The following ZFP14 variants were observed in gnomAD, a reference collection of about 807,000 sequenced individuals.
The protein encoded by ZFP14 is zinc finger protein 14 homolog.
In ZFP14, 22 loss-of-function variants were observed where a neutral mutation model predicts 54.5. That is an observed-to-expected ratio of 0.40 (90% CI 0.29 to 0.58). The LOEUF is 0.58. Ranked by LOEUF, ZFP14 falls within the 20% of genes least tolerant of loss-of-function variation. The pLI, the probability that ZFP14 is intolerant of heterozygous loss-of-function variation, is 0.39. For missense variants in ZFP14, 470 were observed against 637.8 expected, an observed-to-expected ratio of 0.74 and a Z score of 2.83; for synonymous variants, 159 against 204.0, an observed-to-expected ratio of 0.78 and a Z score of 1.88.
intron 1 of ZFP14, 152 bp from the exon 2 acceptor site, chr19:36,368,123 T>A: frequency 2.1e-6 from 1 of 475,684 alleles, no homozygotes; most frequent in Non-Finnish European, 3.8e-6. Context: ...ACTATGCCCA[T>A]CCCTATCCTA....
At position 36,362,103 on chromosome 19, in the gene ZFP14, TA is replaced by T; in HGVS notation, c.136+8del. The T allele has an allele frequency of 6.3e-7, 1 of 1,588,604 alleles. No homozygotes were observed. Among genetic ancestry groups the T allele is most frequent in the Non-Finnish European group, 8.5e-7 (1 of 1,171,846 alleles). ...GAAAGCTAATATCATTTGGGATAAA[TA>T]ACCTTACCTAGTGAAATGAAGTTGC... On this transcript the variant is annotated splice_region_variant and intron_variant, in intron 3 of 4. Coordinates refer to ENST00000270001, the MANE Select transcript of ZFP14 (RefSeq NM_020917.3).
intron 1 of ZFP14, among the ~76,000 whole-genome samples, chr19:36,375,388 T>A (rs1366920221): frequency 1.3e-5 from 2 of 149,528 alleles, no homozygotes; most frequent in Non-Finnish European, 3.0e-5. Flanking sequence ...GAAGGAATTT[T>A]TTTTTTTTTT....
chr19:36,368,671 A>G (rs545409808), intron 1 of ZFP14, among the ~76,000 whole-genome samples: 1 of 152,244 alleles, frequency 6.6e-6, no homozygotes, highest in East Asian at 1.9e-4. Flanking sequence ...TCCTGCCCCT[A>G]GAATCCTGCC....
At chr19:36,370,827 C>G (rs553908345) in intron 1 of ZFP14, among the ~76,000 whole-genome samples, 1 of 152,376 alleles carries the variant, frequency 6.6e-6, no homozygotes, top group South Asian at 2.1e-4. Flanking sequence ...GGAATAAATA[C>G]ACAGTCCTTT....
chr19:36,363,262 C>A (rs1332702762), intron 2 of ZFP14, among the ~76,000 whole-genome samples: 1 of 139,922 alleles, frequency 7.1e-6, no homozygotes, highest in Admixed American at 7.8e-5. Flanking sequence ...GGCGTGATCT[C>A]GGCTCATTGC....
At chr19:36,367,390 T>G (rs926798146) in intron 2 of ZFP14, among the ~76,000 whole-genome samples, 1 of 152,068 alleles carries the variant, frequency 6.6e-6, no homozygotes, top group Non-Finnish European at 1.5e-5. Context: ...ATTTTGTAGG[T>G]AGGAGATGCT....
chr19:36,351,002 T>G lies in ZFP14; in HGVS notation c.236-9412A>C, dbSNP rs1332280463. On this transcript the variant is annotated intron_variant, in intron 4 of 4. Transcript: ENST00000270001. ...TATTTTCTAATAAAACCTAAGATAA[T>G]TTATTGCCAGTGGACACAATAAAAT... Among the ~76,000 whole-genome samples the G allele has an allele frequency of 2.1e-5, 3 of 143,804 alleles. 1 individual carries two copies. The highest frequency in any genetic ancestry group is 4.6e-5 in the Non-Finnish European group (3 of 64,758). 94.3% of individuals were successfully genotyped at this position (143,804 alleles called of 152,430 possible). A position where few individuals can be genotyped will look rare whatever the true frequency, so the allele number is the denominator to read the frequency against.
At chr19:36,361,545 G>A (rs1448925118) in intron 3 of ZFP14, among the ~76,000 whole-genome samples, 1 of 148,798 alleles carries the variant, frequency 6.7e-6, no homozygotes, top group Non-Finnish European at 1.5e-5. Context: ...TGACCTTGAG[G>A]TTTTTTTGAG....
intron 1 of ZFP14, among the ~76,000 whole-genome samples, chr19:36,369,167 G>A (rs1275517971): frequency 1.3e-5 from 2 of 152,004 alleles, no homozygotes; most frequent in African/African-American, 4.8e-5. Context: ...TATCCAAGCT[G>A]GGGACAGAAG....
chr19:36,350,393 G>GACT (rs2031504845), intron 4 of ZFP14, among the ~76,000 whole-genome samples: 1 of 140,956 alleles, frequency 7.1e-6, no homozygotes, highest in African/African-American at 2.6e-5. Context: ...TTGAGGCTAG[G>GACT]AGTTCAAGAC....
rs780365506 is a variant in ZFP14, at chr19:36,340,721, C to G, written c.1105G>C (p.Glu369Gln). 2 of 1,613,828 alleles carry G rather than the reference C, an allele frequency of 1.2e-6. No homozygotes were observed. The highest frequency in any genetic ancestry group is 2.2e-5 in the South Asian group (2 of 91,060). The change falls in exon 5 of 5, where the codon GAA becomes CAA. Residue 369 changes from glutamate (E) to glutamine (Q), a missense_variant. Transcript: ENST00000270001. The surrounding 1 kb of genome is among the most constrained non-coding windows in gnomAD (Gnocchi z 5.4). ...AAAGTCTTCCCACATTCCTTACATT[C>G]GTAGGGTTTCTCACCAGTATGAATA... is the stretch of plus-strand genomic sequence containing the variant. ...QSIHTGEKPY[E>Q]CKECGKTFRL... is the part of the protein sequence containing the mutation.
intron 4 of ZFP14, among the ~76,000 whole-genome samples, chr19:36,342,174 CCT>C (rs2031330785): frequency 8.1e-6 from 1 of 124,218 alleles, no homozygotes; most frequent in Non-Finnish European, 1.6e-5. Context: ...TCATTCTATG[CCT>C]TTTTTTTTTT....
intron 4 of ZFP14, among the ~76,000 whole-genome samples, chr19:36,349,679 AAAT>A (rs1386341633): frequency 4.7e-5 from 6 of 126,854 alleles, no homozygotes; most frequent in East Asian, 2.3e-4. Flanking sequence ...AACAAAAAAA[AAAT>A]ATATATATAT....
chr19:36,363,909 G>C (rs1030170533), intron 2 of ZFP14, among the ~76,000 whole-genome samples: 2 of 151,820 alleles, frequency 1.3e-5, no homozygotes, highest in East Asian at 3.9e-4. Context: ...AGAATCACTT[G>C]AACCCAGGAG....
chr19:36,349,229 C>A (rs2145545551), intron 4 of ZFP14, among the ~76,000 whole-genome samples: 4 of 38,950 alleles, frequency 1.0e-4, no homozygotes, highest in Admixed American at 4.9e-4. Context: ...GGAACTCTGT[C>A]TCAAAAAAAA....
At chr19:36,375,621 G>T (rs1416193587) in intron 1 of ZFP14, among the ~76,000 whole-genome samples, 1 of 146,724 alleles carries the variant, frequency 6.8e-6, no homozygotes, top group Non-Finnish European at 1.5e-5. Flanking sequence ...GCAGTGGTGC[G>T]ACCTCGGCTC....
At chr19:36,349,528 T>C (rs560114122) in intron 4 of ZFP14, among the ~76,000 whole-genome samples, 143 of 151,028 alleles carry the variant, frequency 9.5e-4, no homozygotes, top group African/African-American at 3.3e-3. Context: ...TAGCCAGGCG[T>C]GGTGGTGTGC....
chr19:36,372,307 G>GT (rs200927819), intron 1 of ZFP14, among the ~76,000 whole-genome samples: 1,996 of 146,666 alleles, frequency 0.014, 30 homozygotes, highest in African/African-American at 0.044. Context: ...AAAATTAAGA[G>GT]TTTTTTTTTT....
rs2031242203 is a variant in ZFP14, at chr19:36,338,240, C to T, written c.*1984G>A. On this transcript the variant is annotated 3_prime_UTR_variant, in exon 5 of 5. Transcript: ENST00000270001. ...TCCTGGCCTCAAGTGATCCACCCAC[C>T]TTGTCCTCCCAAAGTGCTGGGATTA... 1 of 152,156 alleles carries T rather than the reference C, an allele frequency of 6.6e-6. No homozygotes were observed. The highest frequency in any genetic ancestry group is 2.4e-5 in the African/African-American group (1 of 41,440). 9.4% of individuals were successfully genotyped at this position (152,156 alleles called of 1,614,324 possible). A position where few individuals can be genotyped will look rare whatever the true frequency, so the allele number is the denominator to read the frequency against.
Sources: allele counts gnomAD v4.1 joint callset (sites outside exome capture counted in the v4.1 genomes callset), GRCh38; gene constraint gnomAD v4.1.1; non-coding constraint Gnocchi (gnomAD v3.1); transcripts MANE v1.5; gene names NCBI Gene and HGNC (gene_info 2026-07-23, HGNC 2026-07-21).